DCHS2: variants seen among roughly 807,000 people sequenced by gnomAD.
DCHS2 encodes the protein dachsous cadherin-related 2.
DCHS2 carries 142 observed loss-of-function variants against 182.4 expected under a neutral mutation model. The ratio of observed to expected loss-of-function variants is 0.78; its 90% CI spans 0.68 to 0.89. DCHS2 has a LOEUF of 0.89. Ranked by LOEUF, DCHS2 falls within the 40% of genes least tolerant of loss-of-function variation. The pLI, the probability that DCHS2 is intolerant of heterozygous loss-of-function variation, is 0.00. For missense variants in DCHS2, 4,319 were observed against 4,198.6 expected, an observed-to-expected ratio of 1.03 and a Z score of -0.79; for synonymous variants, 1,740 against 1,663.3, an observed-to-expected ratio of 1.05 and a Z score of -1.12.
At chr4:154,374,985 C>G (rs904107142) in intron 2 of DCHS2, among the ~76,000 whole-genome samples, 1 of 151,972 alleles carries the variant, frequency 6.6e-6, no homozygotes, top group Non-Finnish European at 1.5e-5. Context: ...CAAGAATAGT[C>G]AAGGTAATCT....
intron 1 of DCHS2, among the ~76,000 whole-genome samples, chr4:154,476,885 C>A (rs1003758226): frequency 2.0e-5 from 3 of 152,058 alleles, no homozygotes; most frequent in African/African-American, 7.2e-5. Flanking sequence ...GGGAACTTAA[C>A]TAACAGTGGG....
chr4:154,298,395 A>G lies in DCHS2; in HGVS notation c.5919T>C (p.Thr1973=). The G allele has an allele frequency of 6.2e-7, 1 of 1,614,196 alleles. No homozygotes were observed. Among genetic ancestry groups the G allele is most frequent in the East Asian group, 2.2e-5 (1 of 44,882 alleles). ...TGGTGAATGCACCAGAAGCCTCATC[A>G]GTCAGAAAATACTCAGTTTGCCCAT... ...GLNGQTEYFL[T]DEASGAFTID... is the part of the protein sequence containing the mutation. The change falls in exon 13 of 20, where the codon ACT becomes ACC. Residue 1973 remains threonine, a synonymous_variant. Coordinates refer to ENST00000357232, the MANE Select transcript of DCHS2 (RefSeq NM_001358235.2).
intron 3 of DCHS2, among the ~76,000 whole-genome samples, chr4:154,360,767 A>T (rs1730082312): frequency 6.6e-6 from 1 of 152,152 alleles, no homozygotes; most frequent in Non-Finnish European, 1.5e-5. Flanking sequence ...CCATACAAAC[A>T]AAAGATTACA....
intron 1 of DCHS2, among the ~76,000 whole-genome samples, chr4:154,415,207 C>T (rs1007155522): frequency 2.0e-5 from 3 of 152,216 alleles, no homozygotes; most frequent in Non-Finnish European, 4.4e-5. Context: ...AAATCTGATA[C>T]TAATTTGAAC....
chr4:154,450,211 G>C (rs565400825), intron 1 of DCHS2, among the ~76,000 whole-genome samples: 15 of 152,280 alleles, frequency 9.9e-5, no homozygotes, highest in African/African-American at 3.6e-4. Flanking sequence ...AACACTTCTT[G>C]GCTAGGAGGG....
chr4:154,405,624 T>G (rs989019496), intron 1 of DCHS2, among the ~76,000 whole-genome samples: 1 of 152,174 alleles, frequency 6.6e-6, no homozygotes, highest in Non-Finnish European at 1.5e-5. Flanking sequence ...TTTCAGATAT[T>G]ATCCTTTTCA....
At chr4:154,239,022 T>C (rs1285727956) in intron 19 of DCHS2, 148 bp downstream of exon 19, 1 of 1,068,368 alleles carries the variant, frequency 9.4e-7, no homozygotes, top group Admixed American at 3.3e-5. Context: ...CAGCACTTCA[T>C]GTGAAGAGTA....
At chr4:154,487,194 T>C (rs558367103) in intron 1 of DCHS2, among the ~76,000 whole-genome samples, 26 of 152,230 alleles carry the variant, frequency 1.7e-4, no homozygotes, top group Non-Finnish European at 2.9e-4. Context: ...AGTCAACTTG[T>C]CCAACCTGTC....
chr4:154,328,045 A>C (rs753868177), intron 7 of DCHS2, 48 bp downstream of exon 7: 9 of 1,355,996 alleles, frequency 6.6e-6, no homozygotes, highest in Non-Finnish European at 9.1e-6. Flanking sequence ...GATAAATGAA[A>C]GCAGAAATCC....
At chr4:154,441,086 T>A (rs563798259) in intron 1 of DCHS2, among the ~76,000 whole-genome samples, 28 of 152,208 alleles carry the variant, frequency 1.8e-4, no homozygotes, top group Non-Finnish European at 3.5e-4. Flanking sequence ...GTCACAGCAC[T>A]GACAGTCCTT....
chr4:154,320,267 C>A, intron 9 of DCHS2, 112 bp downstream of exon 9: 1 of 1,459,044 alleles, frequency 6.9e-7, no homozygotes, highest in Non-Finnish European at 9.1e-7. Flanking sequence ...ATTGAACTCA[C>A]AGTCAACAAC....
intron 1 of DCHS2, among the ~76,000 whole-genome samples, chr4:154,409,485 G>A (rs149122878): frequency 4.9e-4 from 75 of 152,208 alleles, no homozygotes; most frequent in African/African-American, 1.6e-3. Flanking sequence ...GGCCAGTACC[G>A]TGCTCTGTCC....
chr4:154,240,622 G>C lies in DCHS2; in HGVS notation c.7274C>G (p.Ser2425Ter), dbSNP rs777355236. Residue 2425 changes from serine to a stop codon, truncating the protein, a stop_gained, in exon 18 of 20, where the codon TCA (serine) becomes TGA (stop). Coordinates refer to ENST00000357232, the MANE Select transcript of DCHS2 (RefSeq NM_001358235.2). LOFTEE classifies it high-confidence loss of function. ...EYELLIQISD[S>*]VHYTEGALVV... ...AAGTGCTCCCTCTGTGTAGTGCACTGAATCAGAAATTTGGATGAGCAGCTC... is the reference window on the plus strand; with the variant it reads ...AAGTGCTCCCTCTGTGTAGTGCACTCAATCAGAAATTTGGATGAGCAGCTC... The C allele has an allele frequency of 7.4e-6, 12 of 1,613,806 alleles. No homozygotes were observed. Among genetic ancestry groups the C allele is most frequent in the Non-Finnish European group, 9.3e-6 (11 of 1,179,926 alleles).
intron 1 of DCHS2, among the ~76,000 whole-genome samples, chr4:154,448,219 T>C (rs1338388066): frequency 6.6e-6 from 1 of 152,180 alleles, no homozygotes; most frequent in Non-Finnish European, 1.5e-5. Context: ...GGCTATGACA[T>C]GTGGGCGCTC....
intron 1 of DCHS2, among the ~76,000 whole-genome samples, chr4:154,401,139 T>A (rs752471779): frequency 6.6e-6 from 1 of 152,234 alleles, no homozygotes; most frequent in Non-Finnish European, 1.5e-5. Context: ...CGTCCTTAAC[T>A]TTACATAATG....
intron 1 of DCHS2, among the ~76,000 whole-genome samples, chr4:154,377,774 A>G (rs1226894998): frequency 6.6e-6 from 1 of 152,098 alleles, no homozygotes; most frequent in East Asian, 1.9e-4. Flanking sequence ...ATCTCATCCA[A>G]TCTCAAAGAT....
At chr4:154,456,029 GC>G (rs1734750835) in intron 1 of DCHS2, among the ~76,000 whole-genome samples, 1 of 152,010 alleles carries the variant, frequency 6.6e-6, no homozygotes, top group African/African-American at 2.4e-5. Context: ...GGCAGAGCTT[GC>G]AATGAGCTGA....
At chr4:154,401,912 T>G (rs974821975) in intron 1 of DCHS2, among the ~76,000 whole-genome samples, 3 of 152,214 alleles carry the variant, frequency 2.0e-5, no homozygotes, top group Non-Finnish European at 4.4e-5. Context: ...GAGAATCGCT[T>G]GAACCCAGGA....
Position 154,234,680 on chromosome 4 carries a change from C to G in DCHS2, c.9972G>C (p.Met3324Ile). The change falls in exon 20 of 20, where the codon ATG becomes ATC. Residue 3324 changes from methionine to isoleucine, a missense_variant. Met to Ile is a conservative substitution (Grantham distance 10). Coordinates refer to ENST00000357232, the MANE Select transcript of DCHS2 (RefSeq NM_001358235.2). ...AAAGAGATGGAGAAAAATTGGGAGT[C>G]ATGCCTTCTGGCAGAGAACCAAGAT... ...PYHLGSLPEGMTPNFSPSLSL... is the reference protein window; with the variant it reads ...PYHLGSLPEGITPNFSPSLSL... 6.2e-7 allele frequency: 1 copy of G among 1,614,020 alleles called. No homozygotes were observed. Among genetic ancestry groups the G allele is most frequent in the Non-Finnish European group, 8.5e-7 (1 of 1,179,940 alleles).
Sources: allele counts gnomAD v4.1 joint callset (sites outside exome capture counted in the v4.1 genomes callset), GRCh38; gene constraint gnomAD v4.1.1; transcripts MANE v1.5; gene names NCBI Gene and HGNC (gene_info 2026-07-23, HGNC 2026-07-21).